Variants in ZNF385D observed in about 807,000 individuals in gnomAD.
The protein encoded by ZNF385D is zinc finger protein 659.
Under a neutral mutation model 35.8 loss-of-function variants are expected in ZNF385D, and 15 were observed. The observed-to-expected ratio is 0.42, with a 90% CI of 0.28 to 0.64. The LOEUF is 0.64. ZNF385D is among the 30% of genes least tolerant of loss of function. ZNF385D has a pLI of 0.23. For synonymous variants in ZNF385D, 212 were observed against 186.8 expected, an observed-to-expected ratio of 1.13 and a Z score of -1.10; for missense variants, 474 against 494.6, an observed-to-expected ratio of 0.96 and a Z score of 0.39.
At chr3:21,626,983 T>A (rs1223426230) in intron 2 of ZNF385D, among the ~76,000 whole-genome samples, 2 of 151,840 alleles carry the variant, frequency 1.3e-5, no homozygotes, top group African/African-American at 4.8e-5. Flanking sequence ...TTGGTGCCTA[T>A]CAATGATGAG....
At chr3:22,207,130 AAG>A (rs1457525869) in intron 2 of ZNF385D, among the ~76,000 whole-genome samples, 1 of 151,984 alleles carries the variant, frequency 6.6e-6, no homozygotes, top group East Asian at 1.9e-4. Context: ...AAGCAACAGT[AAG>A]CCAATGAATT....
intron 3 of ZNF385D, among the ~76,000 whole-genome samples, chr3:22,062,294 A>G (rs529493963): frequency 7.9e-5 from 12 of 152,194 alleles, no homozygotes; most frequent in African/African-American, 2.6e-4. Flanking sequence ...GGATCAAGCA[A>G]TCCACCCGCC....
chr3:21,676,544 G>A (rs2066735413), intron 1 of ZNF385D, among the ~76,000 whole-genome samples: 1 of 152,082 alleles, frequency 6.6e-6, no homozygotes, highest in Non-Finnish European at 1.5e-5. Context: ...TAAGCAAGAA[G>A]ATCCACACAA....
At chr3:21,981,878 T>C (rs1373581729) in intron 3 of ZNF385D, among the ~76,000 whole-genome samples, 4 of 152,272 alleles carry the variant, frequency 2.6e-5, no homozygotes, top group South Asian at 2.1e-4. Flanking sequence ...TTCATAGATA[T>C]GTGGCCTTAT....
At chr3:22,344,630 C>T (rs113638318) in intron 2 of ZNF385D, among the ~76,000 whole-genome samples, 7,745 of 152,010 alleles carry the variant, frequency 0.051, 636 homozygotes, top group African/African-American at 0.18. Flanking sequence ...CCATGTTGCT[C>T]AGGCTTGTCT....
At chr3:21,989,178 G>A (rs544428321) in intron 3 of ZNF385D, among the ~76,000 whole-genome samples, 2 of 152,226 alleles carry the variant, frequency 1.3e-5, no homozygotes, top group African/African-American at 2.4e-5. Context: ...TGGCTCCTCC[G>A]ACCCCATCTC....
intron 2 of ZNF385D, among the ~76,000 whole-genome samples, chr3:21,643,852 A>C (rs1209320396): frequency 6.6e-6 from 1 of 152,134 alleles, no homozygotes; most frequent in Non-Finnish European, 1.5e-5. Context: ...GACATTTCCA[A>C]AACTGCAGAA....
At chr3:22,124,103 C>A (rs184123334) in intron 3 of ZNF385D, among the ~76,000 whole-genome samples, 1 of 151,744 alleles carries the variant, frequency 6.6e-6, no homozygotes, top group African/African-American at 2.4e-5. Context: ...CAATTCTCAG[C>A]TTCTGGTAAC....
At chr3:22,269,750 A>G (rs1701078309) in intron 2 of ZNF385D, among the ~76,000 whole-genome samples, 1 of 151,796 alleles carries the variant, frequency 6.6e-6, no homozygotes, top group Admixed American at 6.6e-5. Flanking sequence ...CAGTTAATAT[A>G]ACCTCCAAAC....
chr3:21,758,270 G>C (rs1040960012), intron 3 of ZNF385D, among the ~76,000 whole-genome samples: 3 of 152,154 alleles, frequency 2.0e-5, no homozygotes, highest in Non-Finnish European at 4.4e-5. Flanking sequence ...ATTCCTTGGC[G>C]GTTTCAACAT....
chr3:21,778,641 T>C (rs1400711489), intron 3 of ZNF385D, among the ~76,000 whole-genome samples: 1 of 151,934 alleles, frequency 6.6e-6, no homozygotes, highest in Non-Finnish European at 1.5e-5. Context: ...ACATCACATA[T>C]CTTTATATCA....
upstream of ZNF385D, among the ~76,000 whole-genome samples, chr3:21,755,457 G>A (rs1287889274): frequency 2.0e-5 from 3 of 152,150 alleles, no homozygotes; most frequent in Non-Finnish European, 4.4e-5. Flanking sequence ...CTAAAGTATG[G>A]CTATAATTCA....
At chr3:21,655,630 C>A in intron 2 of ZNF385D, among the ~76,000 whole-genome samples, 1 of 151,860 alleles carries the variant, frequency 6.6e-6, no homozygotes, top group East Asian at 1.9e-4. Flanking sequence ...CAGTTAAGTC[C>A]CTTGAGGTAT....
intron 2 of ZNF385D, among the ~76,000 whole-genome samples, chr3:22,274,139 T>A (rs1701311432): frequency 6.6e-6 from 1 of 151,912 alleles, no homozygotes; most frequent in Non-Finnish European, 1.5e-5. Context: ...AGTAGATTTT[T>A]TAAATTGGAT....
intron 2 of ZNF385D, among the ~76,000 whole-genome samples, chr3:21,597,890 A>AAC (rs2064170149): frequency 6.6e-6 from 1 of 152,172 alleles, no homozygotes; most frequent in Non-Finnish European, 1.5e-5. Flanking sequence ...AGAATGAAAA[A>AAC]ACACACACAG....
At chr3:21,519,177 A>G (rs968761273) in intron 3 of ZNF385D, among the ~76,000 whole-genome samples, 1 of 152,210 alleles carries the variant, frequency 6.6e-6, no homozygotes, top group African/African-American at 2.4e-5. Flanking sequence ...ATACACCACC[A>G]CTACTCAGTG....
intron 2 of ZNF385D, among the ~76,000 whole-genome samples, chr3:22,225,312 G>A (rs1381601731): frequency 6.6e-6 from 1 of 152,104 alleles, no homozygotes; most frequent in Admixed American, 6.6e-5. Flanking sequence ...CTAGCCTGAG[G>A]TCCATTTGTC....
At chr3:22,100,305 C>A (rs1419663971) in intron 3 of ZNF385D, among the ~76,000 whole-genome samples, 7 of 142,440 alleles carry the variant, frequency 4.9e-5, no homozygotes, top group African/African-American at 5.4e-5. Context: ...ACTAGAAATA[C>A]CATTTGACCC....
chr3:21,432,740 T>A (rs1701354157), intron 5 of ZNF385D, among the ~76,000 whole-genome samples: 1 of 151,904 alleles, frequency 6.6e-6, no homozygotes, highest in Non-Finnish European at 1.5e-5. Context: ...ATTCTTAGAC[T>A]GTTGTAAACA....
Sources: allele counts gnomAD v4.1 joint callset (sites outside exome capture counted in the v4.1 genomes callset), GRCh38; gene constraint gnomAD v4.1.1; transcripts MANE v1.5; gene names NCBI Gene and HGNC (gene_info 2026-07-23, HGNC 2026-07-21).